The following MBNL1 variants were observed in gnomAD, a reference collection of about 807,000 sequenced individuals.
The protein encoded by MBNL1 is muscleblind like splicing regulator 1.
Under a neutral mutation model 42.2 loss-of-function variants are expected in MBNL1, and 8 were observed. The ratio of observed to expected loss-of-function variants is 0.19; its 90% confidence interval spans 0.11 to 0.34. The LOEUF (loss-of-function observed/expected upper bound fraction) is 0.34. Among genes scored for constraint, MBNL1 ranks in the 10% least tolerant of loss-of-function variants. MBNL1 has a pLI of 1.00. For synonymous variants in MBNL1, 169 were observed against 173.9 expected (o/e 0.97, Z 0.22); for missense variants, 309 against 495.3 (o/e 0.62, Z 3.57).
intron 7 of MBNL1, among the ~76,000 whole-genome samples, chr3:152,455,882 AAAAT>A (rs112745798): frequency 0.033 from 5,093 of 152,316 alleles, 282 homozygotes; most frequent in African/African-American, 0.12. Flanking sequence ...AAATGAGAAA[AAAAT>A]ACTTTCATTC....
chr3:152,359,991 C>G (rs768875063), intron 2 of MBNL1, among the ~76,000 whole-genome samples: 3 of 152,138 alleles, frequency 2.0e-5, no homozygotes, highest in Non-Finnish European at 4.4e-5. Flanking sequence ...TGGGCTTTTT[C>G]CTCTCTGTTC....
At chr3:152,431,977 G>A (rs1417301816) in intron 3 of MBNL1, among the ~76,000 whole-genome samples, 1 of 152,186 alleles carries the variant, frequency 6.6e-6, no homozygotes, top group Non-Finnish European at 1.5e-5. Context: ...TTTATTCAGT[G>A]CTGCCATATG....
Position 152,462,802 on chromosome 3 carries a change from AG to A in MBNL1, c.*438del, listed in dbSNP as rs1473195198. ...TTTAAAAATAAGTTTATTTCTTTCAAGGTTTACAAATAACAAAGGTGCACCT... is the reference window on the plus strand; with the variant it reads ...TTTAAAAATAAGTTTATTTCTTTCAAGTTTACAAATAACAAAGGTGCACCT... On this transcript the variant is annotated 3_prime_UTR_variant, in exon 10 of 10. Transcript: ENST00000324210. The A allele has an allele frequency of 6.6e-6, 1 of 152,222 alleles. No individual in the cohort carries two copies. The highest frequency in any genetic ancestry group is 1.5e-5 in the Non-Finnish European group (1 of 67,988). 9.4% of individuals were successfully genotyped at this position (152,222 alleles called of 1,614,324 possible). A position where few individuals can be genotyped will look rare whatever the true frequency, so the allele number is the denominator to read the frequency against.
At chr3:152,451,342 A>G (rs1310557051) in intron 6 of MBNL1, among the ~76,000 whole-genome samples, 1 of 152,200 alleles carries the variant, frequency 6.6e-6, no homozygotes, top group Non-Finnish European at 1.5e-5. Context: ...TGGATTTAAT[A>G]TGGACATTAC....
Position 152,249,977 on chromosome 3 carries a change from T to G in MBNL1, n.333+5537T>G, listed in dbSNP as rs993423788. On this transcript the variant is annotated intron_variant and non_coding_transcript_variant, in intron 2 of 2. Transcript: ENST00000477171. ...GGCTCTGTTCTGTTCCATTGATCTA[T>G]ATCTCTGTTTTGGTACCAGTACCAT... Among the ~76,000 whole-genome samples, 14 of 148,238 alleles carry G rather than the reference T, an allele frequency of 9.4e-5. No individual in the cohort carries two copies. The South Asian group carries it at 1.1e-3, about 12-fold the overall frequency.
chr3:152,314,419 A>G (rs2069203486), intron 2 of MBNL1, among the ~76,000 whole-genome samples: 1 of 148,062 alleles, frequency 6.8e-6, no homozygotes, highest in Non-Finnish European at 1.5e-5. Context: ...CTTGTTGCCC[A>G]GGCTGGAGTA....
intron 1 of MBNL1, among the ~76,000 whole-genome samples, chr3:152,280,237 A>G (rs776353843): frequency 1.5e-4 from 23 of 152,148 alleles, no homozygotes; most frequent in Admixed American, 5.2e-4. Context: ...CGGGCAAAAC[A>G]AAGTGGGCAC....
At chr3:152,378,485 T>A (rs2097021370) in intron 2 of MBNL1, among the ~76,000 whole-genome samples, 1 of 152,176 alleles carries the variant, frequency 6.6e-6, no homozygotes, top group Non-Finnish European at 1.5e-5. Context: ...CCTCTCTATA[T>A]TTATTTAGGT....
At chr3:152,372,726 G>A (rs1417026428) in intron 2 of MBNL1, among the ~76,000 whole-genome samples, 1 of 152,192 alleles carries the variant, frequency 6.6e-6, no homozygotes, top group African/African-American at 2.4e-5. Flanking sequence ...TGTATGAGGT[G>A]TCTGTTGACC....
intron 2 of MBNL1, among the ~76,000 whole-genome samples, chr3:152,389,223 G>A (rs1193174986): frequency 6.6e-6 from 1 of 152,022 alleles, no homozygotes; most frequent in Admixed American, 6.6e-5. Context: ...AGAGTAGCTG[G>A]GACTACAGGC....
chr3:152,460,087 T>C (rs938355429), intron 9 of MBNL1, among the ~76,000 whole-genome samples: 1 of 151,706 alleles, frequency 6.6e-6, no homozygotes, highest in Non-Finnish European at 1.5e-5. Flanking sequence ...AACCCTGTCC[T>C]ACAAAAAATA....
intron 1 of MBNL1, among the ~76,000 whole-genome samples, chr3:152,278,968 G>A (rs999585223): frequency 6.6e-6 from 1 of 152,094 alleles, no homozygotes; most frequent in East Asian, 1.9e-4. Flanking sequence ...AACTGAAAGA[G>A]GGAAGGAAAT....
intron 2 of MBNL1, among the ~76,000 whole-genome samples, chr3:152,329,720 C>CATATATA (rs530699239): frequency 2.8e-5 from 4 of 145,364 alleles, no homozygotes; most frequent in Non-Finnish European, 4.5e-5. Context: ...ATATATATGT[C>CATATATA]ATATATAATA....
At chr3:152,359,393 G>A (rs557771738) in intron 2 of MBNL1, among the ~76,000 whole-genome samples, 4 of 152,158 alleles carry the variant, frequency 2.6e-5, no homozygotes, top group Non-Finnish European at 4.4e-5. Flanking sequence ...ACTCCTGACT[G>A]TCTAGGTGAG....
chr3:152,320,497 A>G (rs1247413490), intron 2 of MBNL1, among the ~76,000 whole-genome samples: 1 of 152,046 alleles, frequency 6.6e-6, no homozygotes, highest in Admixed American at 6.6e-5. Context: ...CATGTCTCAG[A>G]GGGGAATGAT....
chr3:152,345,114 T>G (rs1301216137), intron 2 of MBNL1, among the ~76,000 whole-genome samples: 1 of 152,114 alleles, frequency 6.6e-6, no homozygotes, highest in Non-Finnish European at 1.5e-5. Flanking sequence ...TCCTAATGCC[T>G]GTTTTTAATT....
chr3:152,356,155 C>A (rs1371125659), intron 2 of MBNL1, among the ~76,000 whole-genome samples: 1 of 151,834 alleles, frequency 6.6e-6, no homozygotes, highest in Non-Finnish European at 1.5e-5. Flanking sequence ...GAAAAAAAAT[C>A]TAACTTATGC....
At chr3:152,344,462 G>C (rs1332665222) in intron 2 of MBNL1, among the ~76,000 whole-genome samples, 1 of 152,140 alleles carries the variant, frequency 6.6e-6, no homozygotes, top group Non-Finnish European at 1.5e-5. Context: ...CTGGTACCTT[G>C]TATTAAAACC....
chr3:152,311,450 T>A (rs1319202715), intron 2 of MBNL1, among the ~76,000 whole-genome samples: 1 of 152,234 alleles, frequency 6.6e-6, no homozygotes, highest in Admixed American at 6.5e-5. Flanking sequence ...CTATATTAAG[T>A]TAAAATCCAG....
Sources: gnomAD v4.1 joint callset for allele counts (sites outside exome capture counted in the v4.1 genomes callset) on GRCh38, gnomAD v4.1.1 for gene constraint, MANE v1.5 for transcripts, NCBI Gene and HGNC (gene_info 2026-07-23, HGNC 2026-07-21) for gene names.